TP53BP1: variants seen among roughly 807,000 people sequenced by gnomAD.
The protein encoded by TP53BP1 is TP53-binding protein 1.
TP53BP1 carries 61 observed loss-of-function variants against 200.8 expected under a neutral mutation model. The ratio of observed to expected loss-of-function variants is 0.30; its 90% CI spans 0.25 to 0.38. The LOEUF is 0.38. TP53BP1 is among the 10% of genes least tolerant of loss of function. The probability of loss-of-function intolerance (pLI) is 1.00; values close to 1 mark genes in which losing one functional copy is unlikely to be tolerated. For missense variants in TP53BP1, 2,144 were observed against 2,371.9 expected (o/e 0.90, Z 2.00); for synonymous variants, 822 against 844.3 (o/e 0.97, Z 0.46).
chr15:43,478,236 A>G (rs1399496215), intron 7 of TP53BP1, among the ~76,000 whole-genome samples: 1 of 152,038 alleles, frequency 6.6e-6, no homozygotes, highest in Non-Finnish European at 1.5e-5. Context: ...CCCCAAACCA[A>G]TTCTCCTTCA....
chr15:43,487,529 A>G (rs1266935072), intron 4 of TP53BP1, among the ~76,000 whole-genome samples: 1 of 152,178 alleles, frequency 6.6e-6, no homozygotes, highest in Non-Finnish European at 1.5e-5. Flanking sequence ...ACAGTGACTC[A>G]CACCTATAAT....
At chr15:43,440,328 G>C (rs536350317) in intron 15 of TP53BP1, among the ~76,000 whole-genome samples, 1 of 152,020 alleles carries the variant, frequency 6.6e-6, no homozygotes, top group African/African-American at 2.4e-5. Flanking sequence ...TGGCTAACAC[G>C]GTGAAACCCC....
At chr15:43,444,634 G>A (rs1224123243) in intron 14 of TP53BP1, among the ~76,000 whole-genome samples, 4 of 152,152 alleles carry the variant, frequency 2.6e-5, no homozygotes, top group Admixed American at 1.3e-4. Context: ...GTAAAAGGAG[G>A]ATAATAATAG....
intron 16 of TP53BP1, among the ~76,000 whole-genome samples, chr15:43,433,234 T>C (rs551241498): frequency 6.6e-6 from 1 of 152,298 alleles, no homozygotes; most frequent in Non-Finnish European, 1.5e-5. Context: ...TATACTGATA[T>C]ATCTACAACT....
intron 4 of TP53BP1, among the ~76,000 whole-genome samples, chr15:43,485,942 C>T (rs1437427107): frequency 6.6e-5 from 10 of 152,104 alleles, no homozygotes; most frequent in Non-Finnish European, 1.2e-4. Context: ...AAAAACAGTA[C>T]TTTAGTTAAA....
rs554751271 is a variant in TP53BP1, at chr15:43,485,002, G to A, written c.372-3980C>T. Among the ~76,000 whole-genome samples, 3 of 151,864 alleles carry A rather than the reference G, an allele frequency of 2.0e-5. No individual in the cohort carries two copies. The East Asian group carries it at 5.8e-4, about 29-fold the overall frequency. On this transcript the variant is annotated intron_variant, in intron 4 of 27. Transcript: ENST00000382044. ...TGGGCTCAAGAGATCCTCCTGCCTC[G>A]GCCTCACTTAGATTTTTAATCAAAT...
chr15:43,433,334 A>G (rs2045714844), intron 16 of TP53BP1, among the ~76,000 whole-genome samples: 1 of 152,160 alleles, frequency 6.6e-6, no homozygotes, highest in Non-Finnish European at 1.5e-5. Context: ...GGTATCAGTG[A>G]TTCGTTCCTT....
intron 16 of TP53BP1, 66 bp from the exon 17 acceptor site, chr15:43,432,743 G>A: frequency 6.6e-7 from 1 of 1,507,480 alleles, no homozygotes; most frequent in Non-Finnish European, 8.9e-7. Flanking sequence ...GTGTGTGTGT[G>A]CGTGTGCATG....
Position 43,427,927 on chromosome 15 carries a change from A to G in TP53BP1, c.3828+89T>C, listed in dbSNP as rs897873076. The G allele has an allele frequency of 9.7e-6, 9 of 927,578 alleles. No individual in the cohort carries two copies. In the African/African-American group the frequency reaches 1.5e-4, roughly 16 times the overall value. 57.5% of individuals were successfully genotyped at this position (927,578 alleles called of 1,614,324 possible). ...AAACAAAATCACGCAACTGCATTCC[A>G]GCCTAGGTAACAAAGTAAGACCCTG... On this transcript the variant is annotated intron_variant, in intron 18 of 27. Coordinates refer to ENST00000382044, the MANE Select transcript of TP53BP1 (RefSeq NM_001141980.3).
intron 12 of TP53BP1, among the ~76,000 whole-genome samples, chr15:43,453,328 A>T (rs1444989901): frequency 1.3e-5 from 2 of 152,066 alleles, no homozygotes; most frequent in Admixed American, 6.6e-5. Flanking sequence ...TCTACTACAG[A>T]ATTTTAGGTT....
chr15:43,483,771 T>C (rs767784353), intron 4 of TP53BP1, among the ~76,000 whole-genome samples: 1 of 152,156 alleles, frequency 6.6e-6, no homozygotes, highest in Non-Finnish European at 1.5e-5. Context: ...TTGCAAATGG[T>C]AGAAAAGAAG....
chr15:43,499,204 G>T (rs2079197166), intron 1 of TP53BP1, among the ~76,000 whole-genome samples: 1 of 152,084 alleles, frequency 6.6e-6, no homozygotes, highest in Admixed American at 6.6e-5. Flanking sequence ...CTGAGGTAGT[G>T]TGTGTACATA....
intron 27 of TP53BP1, 40 bp downstream of exon 27, chr15:43,407,903 A>T (rs893549852): frequency 1.9e-6 from 3 of 1,588,398 alleles, no homozygotes; most frequent in Non-Finnish European, 2.6e-6. Context: ...GTCTAAGGAG[A>T]TCCCTGGAAC....
chr15:43,431,731 CT>C (rs1445337463), intron 17 of TP53BP1, among the ~76,000 whole-genome samples: 1 of 152,186 alleles, frequency 6.6e-6, no homozygotes, highest in Non-Finnish European at 1.5e-5. Flanking sequence ...TGTTACCATT[CT>C]TTCTGTTTCA....
chr15:43,411,527 A>AT (rs1297882711), intron 24 of TP53BP1, among the ~76,000 whole-genome samples: 27 of 152,266 alleles, frequency 1.8e-4, no homozygotes, highest in African/African-American at 5.3e-4. Context: ...CTTAAAAACT[A>AT]TAATTCTGTA....
chr15:43,453,172 C>T (rs1224442498), intron 12 of TP53BP1, among the ~76,000 whole-genome samples: 1 of 96,412 alleles, frequency 1.0e-5, no homozygotes, highest in Non-Finnish European at 1.8e-5. Flanking sequence ...CCAGCTTGGG[C>T]GAAAAAGTGA....
chr15:43,441,458 G>T, intron 15 of TP53BP1, 68 bp downstream of exon 15: 2 of 1,041,420 alleles, frequency 1.9e-6, no homozygotes, highest in Admixed American at 1.8e-5. Context: ...TTCCTTTGTT[G>T]ATAAACCATC....
rs1212547126 is a variant in TP53BP1, at chr15:43,406,292, C to G, written c.*1091G>C. The G allele has an allele frequency of 4.5e-6, 1 of 222,812 alleles. No individual in the cohort carries two copies. Among genetic ancestry groups the G allele is most frequent in the Non-Finnish European group, 9.1e-6 (1 of 110,300 alleles). The allele number at this position is 222,812 out of a possible 1,614,324, so 13.8% of individuals were successfully genotyped here. On this transcript the variant is annotated 3_prime_UTR_variant, in exon 28 of 28. Coordinates refer to ENST00000382044, the MANE Select transcript of TP53BP1 (RefSeq NM_001141980.3). The stretch of plus-strand genomic sequence containing the variant: ...CCAAACTGAAAAAGAATGCAGTGTT[C>G]TGGCATCAGGTTATAGTCACTGCAT...
intron 27 of TP53BP1, 154 bp from the exon 28 acceptor site, chr15:43,407,724 A>C (rs534424847): frequency 3.1e-5 from 25 of 814,448 alleles, no homozygotes; most frequent in Non-Finnish European, 2.9e-5. Flanking sequence ...CCAAAGGCAG[A>C]GTTATAATCA....
Sources: gnomAD v4.1 joint callset for allele counts (sites outside exome capture counted in the v4.1 genomes callset) on GRCh38, gnomAD v4.1.1 for gene constraint, MANE v1.5 for transcripts, NCBI Gene and HGNC (gene_info 2026-07-23, HGNC 2026-07-21) for gene names.